Variants in FRMD4A observed in about 807,000 individuals in gnomAD.
FRMD4A encodes FERM domain-containing protein 4A.
FRMD4A carries 29 observed loss-of-function variants against 129.1 expected under a neutral mutation model. The ratio of observed to expected loss-of-function variants is 0.22; its 90% CI spans 0.17 to 0.31. The LOEUF is 0.31. Ranked by LOEUF, FRMD4A falls within the 10% of genes least tolerant of loss-of-function variation. The pLI is 1.00. For missense variants in FRMD4A, 1,272 were observed against 1,375.8 expected, an observed-to-expected ratio of 0.92 and a Z score of 1.19; for synonymous variants, 634 against 571.6, an observed-to-expected ratio of 1.11 and a Z score of -1.56.
intron 2 of FRMD4A, among the ~76,000 whole-genome samples, chr10:14,009,527 T>G (rs7078921): frequency 0.19 from 29,451 of 152,070 alleles, 3,448 homozygotes; most frequent in East Asian, 0.45. Flanking sequence ...AAGGTTCTGT[T>G]TATTCAAACA....
At chr10:14,145,048 T>C (rs1205822564) in intron 2 of FRMD4A, among the ~76,000 whole-genome samples, 1 of 152,174 alleles carries the variant, frequency 6.6e-6, no homozygotes, top group African/African-American at 2.4e-5. Context: ...GCCAAAGTCA[T>C]TTCAAGGTTT....
chr10:13,974,090 C>T (rs928881631), intron 2 of FRMD4A, among the ~76,000 whole-genome samples: 4 of 142,388 alleles, frequency 2.8e-5, no homozygotes, highest in African/African-American at 7.9e-5. Context: ...TGCAGTGGTG[C>T]GATTTCGGCT....
At chr10:14,088,427 A>G (rs1363867666) in intron 2 of FRMD4A, among the ~76,000 whole-genome samples, 1 of 151,476 alleles carries the variant, frequency 6.6e-6, no homozygotes, top group Admixed American at 6.6e-5. Context: ...CCTGGGTGAC[A>G]GAACAAGACT....
intron 2 of FRMD4A, among the ~76,000 whole-genome samples, chr10:14,002,682 T>C (rs1376266032): frequency 1.3e-5 from 2 of 152,188 alleles, no homozygotes; most frequent in African/African-American, 2.4e-5. Context: ...GTGGTTTCAA[T>C]GCAGTGTGAT....
intron 4 of FRMD4A, among the ~76,000 whole-genome samples, chr10:13,800,713 C>T (rs1338440394): frequency 6.6e-6 from 1 of 152,186 alleles, no homozygotes. Flanking sequence ...GGACATGTCG[C>T]ATGAAGGGAC....
At position 13,659,413 on chromosome 10, in the gene FRMD4A, ATG is replaced by A; in HGVS notation, c.1974_1975del (p.Ile659ProfsTer47). 1 of 1,614,030 alleles carries A rather than the reference ATG, an allele frequency of 6.2e-7. No homozygotes were observed. Among genetic ancestry groups the A allele is most frequent in the Non-Finnish European group, 8.5e-7 (1 of 1,179,964 alleles). ...GGAGTTCCAGTGCGGGAGGCCGCGGATGGGGCTGTTCTGCAAGGAGTTGCTTC... is the reference window on the plus strand; with the variant it reads ...GGAGTTCCAGTGCGGGAGGCCGCGGAGGGCTGTTCTGCAAGGAGTTGCTTC... On this transcript the variant is annotated frameshift_variant, in exon 21 of 25. Coordinates refer to ENST00000357447, the MANE Select transcript of FRMD4A (RefSeq NM_018027.5). LOFTEE classifies it high-confidence loss of function.
chr10:14,289,518 A>T (rs2132072935), intron 2 of FRMD4A, among the ~76,000 whole-genome samples: 1 of 152,226 alleles, frequency 6.6e-6, no homozygotes, highest in Admixed American at 6.5e-5. Flanking sequence ...TTCCTTATAT[A>T]TTTTGGATTT....
intron 2 of FRMD4A, among the ~76,000 whole-genome samples, chr10:14,076,609 C>T (rs1376749668): frequency 6.6e-6 from 1 of 151,608 alleles, no homozygotes; most frequent in Non-Finnish European, 1.5e-5. Context: ...CACTGCACTC[C>T]AGCCTGGGCG....
chr10:13,671,445 C>G (rs140803895), intron 16 of FRMD4A, among the ~76,000 whole-genome samples: 41 of 152,032 alleles, frequency 2.7e-4, no homozygotes, highest in African/African-American at 8.9e-4. Context: ...CAGATCGAGA[C>G]TCTGTTTATT....
At chr10:13,708,280 C>T (rs962434274) in intron 12 of FRMD4A, among the ~76,000 whole-genome samples, 10 of 152,180 alleles carry the variant, frequency 6.6e-5, no homozygotes, top group South Asian at 2.1e-4. Flanking sequence ...ACCTTAGAGA[C>T]GTGATGGCCA....
At chr10:13,794,097 G>C (rs1337856061) in intron 5 of FRMD4A, among the ~76,000 whole-genome samples, 1 of 152,026 alleles carries the variant, frequency 6.6e-6, no homozygotes, top group Non-Finnish European at 1.5e-5. Context: ...GCAGTACAGA[G>C]GGAGATTTTG....
intron 2 of FRMD4A, among the ~76,000 whole-genome samples, chr10:14,241,658 G>A (rs1292949585): frequency 3.7e-5 from 4 of 107,900 alleles, no homozygotes; most frequent in South Asian, 3.3e-4. Context: ...ACAAAGCATT[G>A]GAGAGGGATT....
At chr10:14,248,099 A>G (rs542052741) in intron 2 of FRMD4A, among the ~76,000 whole-genome samples, 1 of 152,260 alleles carries the variant, frequency 6.6e-6, no homozygotes, top group East Asian at 1.9e-4. Context: ...CCCACGTAAC[A>G]TGAGCTAGCA....
At chr10:14,007,560 T>G (rs925243520) in intron 2 of FRMD4A, 4 of 153,382 alleles carry the variant, frequency 2.6e-5, no homozygotes, top group African/African-American at 9.6e-5. Flanking sequence ...GCAATGTATT[T>G]GGGGGGAAAA....
At chr10:14,229,251 G>T (rs1337657955) in intron 2 of FRMD4A, among the ~76,000 whole-genome samples, 1 of 151,958 alleles carries the variant, frequency 6.6e-6, no homozygotes, top group African/African-American at 2.4e-5. Flanking sequence ...TATTCTAATA[G>T]AGGTAATAAA....
intron 2 of FRMD4A, among the ~76,000 whole-genome samples, chr10:14,018,658 T>A (rs952963883): frequency 6.6e-6 from 1 of 152,046 alleles, no homozygotes; most frequent in African/African-American, 2.4e-5. Context: ...CCAAGGTATA[T>A]TGGAGGCCAA....
intron 13 of FRMD4A, among the ~76,000 whole-genome samples, chr10:13,705,636 TC>T (rs1365023271): frequency 6.6e-6 from 1 of 152,212 alleles, no homozygotes; most frequent in African/African-American, 2.4e-5. Context: ...ACAGTGAGTT[TC>T]TTCTTGGCTG....
At chr10:13,732,381 C>T (rs1259517034) in intron 12 of FRMD4A, among the ~76,000 whole-genome samples, 3 of 152,102 alleles carry the variant, frequency 2.0e-5, no homozygotes, top group East Asian at 1.9e-4. Flanking sequence ...ATTCTCAAGG[C>T]GGCTGCTGAG....
At chr10:14,186,225 G>A (rs189648676) in intron 2 of FRMD4A, among the ~76,000 whole-genome samples, 3 of 152,038 alleles carry the variant, frequency 2.0e-5, no homozygotes, top group Admixed American at 1.3e-4. Context: ...ACAATTGGTT[G>A]GAATCAATAT....
Sources: gnomAD v4.1 joint callset for allele counts (sites outside exome capture counted in the v4.1 genomes callset) on GRCh38, gnomAD v4.1.1 for gene constraint, MANE v1.5 for transcripts, NCBI Gene and HGNC (gene_info 2026-07-23, HGNC 2026-07-21) for gene names.